Variants in ASIC2 observed in about 807,000 individuals in gnomAD.
The protein encoded by ASIC2 is acid-sensing ion channel 2.
ASIC2 carries 25 observed loss-of-function variants against 57.3 expected under a neutral mutation model. The ratio of observed to expected loss-of-function variants is 0.44; its 90% CI spans 0.32 to 0.61. ASIC2 has a LOEUF of 0.61. ASIC2 is among the 20% of genes least tolerant of loss of function. The probability of loss-of-function intolerance (pLI) is 0.06; values close to 1 mark genes in which losing one functional copy is unlikely to be tolerated. For missense variants in ASIC2, 641 were observed against 738.1 expected, an observed-to-expected ratio of 0.87 and a Z score of 1.52; for synonymous variants, 319 against 307.5, an observed-to-expected ratio of 1.04 and a Z score of -0.39.
intron 1 of ASIC2, among the ~76,000 whole-genome samples, chr17:33,197,840 G>A (rs1452477188): frequency 6.6e-6 from 1 of 152,092 alleles, no homozygotes; most frequent in African/African-American, 2.4e-5. Context: ...TCATTATAAA[G>A]GTCTATTTTT....
chr17:33,804,069 T>G (rs1912206368), intron 1 of ASIC2, among the ~76,000 whole-genome samples: 1 of 152,220 alleles, frequency 6.6e-6, no homozygotes, highest in South Asian at 2.1e-4. Flanking sequence ...GCTTGAGACC[T>G]TTCCCTATTT....
intron 1 of ASIC2, among the ~76,000 whole-genome samples, chr17:33,378,421 C>T (rs1454245653): frequency 6.6e-6 from 1 of 152,112 alleles, no homozygotes; most frequent in Admixed American, 6.5e-5. Context: ...CAGCTGCAGG[C>T]CCTCCCATGA....
intron 1 of ASIC2, among the ~76,000 whole-genome samples, chr17:33,248,941 A>G (rs1313354191): frequency 1.3e-5 from 2 of 152,166 alleles, no homozygotes; most frequent in African/African-American, 4.8e-5. Flanking sequence ...TTTGGGGTCC[A>G]TGACCCAGCC....
intron 1 of ASIC2, among the ~76,000 whole-genome samples, chr17:33,564,170 A>C (rs1204397354): frequency 6.6e-6 from 1 of 152,210 alleles, no homozygotes; most frequent in African/African-American, 2.4e-5. Context: ...GCTCTGAGAC[A>C]CACAGACACA....
At chr17:34,149,639 G>A (rs553378246) in intron 1 of ASIC2, among the ~76,000 whole-genome samples, 1 of 152,282 alleles carries the variant, frequency 6.6e-6, no homozygotes, top group Admixed American at 6.5e-5. Context: ...GGCCTTATGA[G>A]GAGGGGAGAA....
At chr17:33,847,369 A>C (rs934083588) in intron 1 of ASIC2, among the ~76,000 whole-genome samples, 23 of 152,088 alleles carry the variant, frequency 1.5e-4, no homozygotes, top group African/African-American at 5.3e-4. Context: ...GTAAGAGTCA[A>C]TCCTGGGGAA....
At chr17:33,856,470 A>AGTG (rs1207894188) in intron 1 of ASIC2, among the ~76,000 whole-genome samples, 2 of 128,370 alleles carry the variant, frequency 1.6e-5, no homozygotes, top group Non-Finnish European at 3.4e-5. Context: ...TATCAGTAGT[A>AGTG]GTGGTGGTGG....
At chr17:33,983,536 A>T (rs907431891) in intron 1 of ASIC2, among the ~76,000 whole-genome samples, 4 of 152,120 alleles carry the variant, frequency 2.6e-5, no homozygotes, top group South Asian at 2.1e-4. Flanking sequence ...AGTGTCTAGA[A>T]CGTGTCACTG....
chr17:34,099,723 A>G (rs1470760183), intron 1 of ASIC2, among the ~76,000 whole-genome samples: 1 of 126,066 alleles, frequency 7.9e-6, no homozygotes, highest in Non-Finnish European at 1.7e-5. Context: ...AGAAAGAAAG[A>G]AGGAAAGAAG....
intron 1 of ASIC2, among the ~76,000 whole-genome samples, chr17:34,089,901 C>T (rs1910262172): frequency 6.6e-6 from 1 of 152,166 alleles, no homozygotes; most frequent in South Asian, 2.1e-4. Context: ...TTATTCATCC[C>T]TTAATACCAA....
chr17:33,979,521 C>T (rs768749980), intron 1 of ASIC2, among the ~76,000 whole-genome samples: 23 of 152,152 alleles, frequency 1.5e-4, no homozygotes, highest in Non-Finnish European at 2.8e-4. Context: ...GAATGTGAGC[C>T]AGCATCAGCC....
intron 1 of ASIC2, among the ~76,000 whole-genome samples, chr17:33,934,063 C>T (rs1488630654): frequency 6.6e-6 from 1 of 152,194 alleles, no homozygotes; most frequent in African/African-American, 2.4e-5. Context: ...TTTTGGACTT[C>T]TGGGGGCACA....
chr17:33,463,011 C>A (rs1264557114), intron 1 of ASIC2, among the ~76,000 whole-genome samples: 1 of 152,164 alleles, frequency 6.6e-6, no homozygotes, highest in African/African-American at 2.4e-5. Flanking sequence ...CTTGGTAAAG[C>A]TATATATCAT....
intron 3 of ASIC2, among the ~76,000 whole-genome samples, chr17:33,081,334 T>C (rs1224055300): frequency 6.6e-6 from 1 of 152,226 alleles, no homozygotes; most frequent in Admixed American, 6.5e-5. Context: ...AGTGATTAAG[T>C]AGCTAAACTA....
chr17:33,915,615 A>T (rs1567755096), intron 1 of ASIC2, among the ~76,000 whole-genome samples: 1 of 152,120 alleles, frequency 6.6e-6, no homozygotes, highest in Non-Finnish European at 1.5e-5. Context: ...CTCGATACTT[A>T]ACTGTTTCAA....
At chr17:33,059,920 G>T (rs1412755955) in intron 3 of ASIC2, among the ~76,000 whole-genome samples, 1 of 152,142 alleles carries the variant, frequency 6.6e-6, no homozygotes, top group Non-Finnish European at 1.5e-5. Context: ...GTGATGATGA[G>T]CATTTTTTCA....
chr17:33,856,966 T>C (rs1380080519), intron 1 of ASIC2, among the ~76,000 whole-genome samples: 1 of 151,930 alleles, frequency 6.6e-6, no homozygotes, highest in East Asian at 1.9e-4. Flanking sequence ...TCCTGGGCTT[T>C]ATTTGGAGTG....
At chr17:33,134,631 G>GATAA in intron 1 of ASIC2, among the ~76,000 whole-genome samples, 1 of 152,240 alleles carries the variant, frequency 6.6e-6, no homozygotes, top group South Asian at 2.1e-4. Context: ...AACACTTCCA[G>GATAA]AGCCTGGATA....
chr17:33,083,756 G>A (rs1285620473), intron 3 of ASIC2, among the ~76,000 whole-genome samples: 1 of 152,220 alleles, frequency 6.6e-6, no homozygotes, highest in South Asian at 2.1e-4. Flanking sequence ...ACCACAGGCA[G>A]ATGAGGAGGT....
Sources: gnomAD v4.1 joint callset for allele counts (sites outside exome capture counted in the v4.1 genomes callset) on GRCh38, gnomAD v4.1.1 for gene constraint, MANE v1.5 for transcripts, NCBI Gene and HGNC (gene_info 2026-07-23, HGNC 2026-07-21) for gene names.